Variants in VEPH1 observed in about 807,000 individuals in gnomAD.
The protein encoded by VEPH1 is ventricular zone expressed PH domain containing 1.
Under a neutral mutation model 85.2 loss-of-function variants are expected in VEPH1, and 80 were observed. The observed-to-expected ratio is 0.94, with a 90% CI of 0.78 to 1.13. The LOEUF (loss-of-function observed/expected upper bound fraction) is 1.13. Among genes scored for constraint, VEPH1 ranks in the 50% most tolerant of loss-of-function variants. VEPH1 has a pLI of 0.00. For synonymous variants in VEPH1, 297 were observed against 348.0 expected, an observed-to-expected ratio of 0.85 and a Z score of 1.63; for missense variants, 955 against 980.5, an observed-to-expected ratio of 0.97 and a Z score of 0.35.
At chr3:157,326,670 G>A (rs1721939895) in intron 9 of VEPH1, among the ~76,000 whole-genome samples, 1 of 152,220 alleles carries the variant, frequency 6.6e-6, no homozygotes, top group Non-Finnish European at 1.5e-5. Context: ...ATTATGGAGA[G>A]AAGGAGAGAG....
At chr3:157,430,735 C>T (rs976546474) in intron 4 of VEPH1, among the ~76,000 whole-genome samples, 2 of 152,212 alleles carry the variant, frequency 1.3e-5, no homozygotes, top group Admixed American at 1.3e-4. Flanking sequence ...TGGCAAAGCA[C>T]TGAGTATGTC....
At chr3:157,498,601 TGA>T (rs148989254) in intron 1 of VEPH1, among the ~76,000 whole-genome samples, 13,097 of 152,294 alleles carry the variant, frequency 0.086, 780 homozygotes, top group Middle Eastern at 0.14. Context: ...CATGACTGTG[TGA>T]GATAATTATT....
intron 2 of VEPH1, chr3:157,489,245 C>T (rs1234476700): frequency 4.4e-6 from 2 of 454,652 alleles, no homozygotes; most frequent in Non-Finnish European, 8.9e-6. Context: ...TCCAACAATC[C>T]AGCCTCCACT....
At chr3:157,455,890 G>A (rs868862460) in intron 4 of VEPH1, among the ~76,000 whole-genome samples, 14 of 152,304 alleles carry the variant, frequency 9.2e-5, no homozygotes, top group Non-Finnish European at 2.1e-4. Context: ...ATGAACATAT[G>A]TGTGCATGTG....
chr3:157,261,020 A>G lies in VEPH1; in HGVS notation c.*114T>C. ...CTTCTTCTTAAAGGACAACAATTCC[A>G]TTGGTATTTAGTAAAAAACAACATG... On this transcript the variant is annotated 3_prime_UTR_variant, in exon 14 of 14. Coordinates refer to ENST00000362010, the MANE Select transcript of VEPH1 (RefSeq NM_001167912.2). The G allele has an allele frequency of 7.1e-7, 1 of 1,417,228 alleles. No individual in the cohort carries two copies. The highest frequency in any genetic ancestry group is 9.6e-7 in the Non-Finnish European group (1 of 1,045,598). The allele number at this position is 1,417,228 out of a possible 1,614,324, so 87.8% of individuals were successfully genotyped here.
At chr3:157,431,892 G>T (rs1233608075) in intron 4 of VEPH1, among the ~76,000 whole-genome samples, 1 of 151,290 alleles carries the variant, frequency 6.6e-6, no homozygotes, top group Non-Finnish European at 1.5e-5. Context: ...CTGTTGTCTG[G>T]GCTGGAGTGC....
At chr3:157,471,644 G>T (rs1736966814) in intron 2 of VEPH1, among the ~76,000 whole-genome samples, 1 of 151,626 alleles carries the variant, frequency 6.6e-6, no homozygotes. Context: ...GTGTTTATTG[G>T]CTGTTTGTAT....
chr3:157,407,581 C>T (rs1029427168), intron 6 of VEPH1, among the ~76,000 whole-genome samples: 3 of 152,090 alleles, frequency 2.0e-5, no homozygotes, highest in African/African-American at 4.8e-5. Flanking sequence ...TGGTTGTCTA[C>T]GGTGCCTCAT....
At chr3:157,287,286 G>A (rs1324635461) in intron 11 of VEPH1, among the ~76,000 whole-genome samples, 1 of 152,084 alleles carries the variant, frequency 6.6e-6, no homozygotes, top group East Asian at 1.9e-4. Context: ...GAGGTGAGAG[G>A]ATCGCTTGAG....
At chr3:157,296,398 A>G (rs1718145419) in intron 11 of VEPH1, among the ~76,000 whole-genome samples, 1 of 152,322 alleles carries the variant, frequency 6.6e-6, no homozygotes, top group African/African-American at 2.4e-5. Context: ...TCTGTGAGGA[A>G]GAAAGGTTCT....
chr3:157,289,515 A>G (rs533649796), intron 11 of VEPH1, among the ~76,000 whole-genome samples: 1 of 152,356 alleles, frequency 6.6e-6, no homozygotes, highest in South Asian at 2.1e-4. Context: ...GACAGATGAA[A>G]CACATATAGT....
At chr3:157,337,764 T>C (rs986778064) in intron 9 of VEPH1, among the ~76,000 whole-genome samples, 1 of 152,216 alleles carries the variant, frequency 6.6e-6, no homozygotes, top group Non-Finnish European at 1.5e-5. Context: ...CAAGTTATTA[T>C]TGCAGTGGGC....
intron 3 of VEPH1, among the ~76,000 whole-genome samples, chr3:157,467,110 A>AGTGTGTGTGTGT (rs1356618639): frequency 2.3e-4 from 26 of 113,958 alleles, no homozygotes; most frequent in Admixed American, 1.8e-3. Flanking sequence ...CAAAAAGAAA[A>AGTGTGTGTGTGT]GTGTGTGTGT....
chr3:157,269,642 G>GTTTTTTTTTTTTTTTTTTTTTT (rs11408861), intron 12 of VEPH1, among the ~76,000 whole-genome samples: 49 of 115,396 alleles, frequency 4.2e-4, no homozygotes, highest in Middle Eastern at 5.2e-3. Flanking sequence ...TGTTTTTGTT[G>GTTTTTTTTTTTTTTTTTTTTTT]TTTTTTTTTT....
chr3:157,321,002 C>G (rs1721286183), intron 9 of VEPH1, among the ~76,000 whole-genome samples: 1 of 151,958 alleles, frequency 6.6e-6, no homozygotes, highest in Non-Finnish European at 1.5e-5. Flanking sequence ...CAGGTGGCCA[C>G]TCATAACCTA....
At chr3:157,388,155 A>G (rs1472592442) in intron 6 of VEPH1, among the ~76,000 whole-genome samples, 1 of 152,224 alleles carries the variant, frequency 6.6e-6, no homozygotes, top group Non-Finnish European at 1.5e-5. Context: ...AAGGGCCATT[A>G]GAAATGTAAA....
intron 5 of VEPH1, among the ~76,000 whole-genome samples, chr3:157,424,331 T>C (rs1254728608): frequency 7.2e-5 from 11 of 152,208 alleles, no homozygotes; most frequent in Admixed American, 5.9e-4. Context: ...TTCCCAGTCT[T>C]GGGTATGTCT....
At chr3:157,376,417 G>C (rs1036354026) in intron 7 of VEPH1, among the ~76,000 whole-genome samples, 2 of 152,224 alleles carry the variant, frequency 1.3e-5, no homozygotes, top group African/African-American at 4.8e-5. Context: ...GGCCCTGGCA[G>C]ACAAATAACT....
At chr3:157,322,038 T>A (rs1471472374) in intron 9 of VEPH1, among the ~76,000 whole-genome samples, 1 of 152,144 alleles carries the variant, frequency 6.6e-6, no homozygotes, top group African/African-American at 2.4e-5. Context: ...TGTGCAAACA[T>A]CACCACCATC....
Sources: gnomAD v4.1 joint callset for allele counts (sites outside exome capture counted in the v4.1 genomes callset) on GRCh38, gnomAD v4.1.1 for gene constraint, MANE v1.5 for transcripts, NCBI Gene and HGNC (gene_info 2026-07-23, HGNC 2026-07-21) for gene names.